PDYN: variants seen among roughly 807,000 people sequenced by gnomAD.
PDYN encodes proenkephalin-B.
A neutral mutation model predicts 11.4 loss-of-function variants in PDYN; 5 were observed. That is an observed-to-expected ratio of 0.44 (90% CI 0.23 to 0.92). PDYN has a LOEUF of 0.92. Among genes scored for constraint, PDYN ranks in the 40% least tolerant of loss-of-function variants. PDYN has a pLI of 0.24. For synonymous variants in PDYN, 132 were observed against 129.5 expected (o/e 1.02, Z -0.13); for missense variants, 337 against 317.3 (o/e 1.06, Z -0.47).
intron 2 of PDYN, among the ~76,000 whole-genome samples, chr20:1,983,689 C>T (rs1314715676): frequency 6.6e-6 from 1 of 152,202 alleles, no homozygotes; most frequent in Middle Eastern, 3.2e-3. Flanking sequence ...GGCCTCCCTG[C>T]CTGCCTCCAG....
chr20:1,988,732 G>A (rs187983225), intron 2 of PDYN, among the ~76,000 whole-genome samples: 132 of 152,276 alleles, frequency 8.7e-4, no homozygotes, highest in Middle Eastern at 3.4e-3. Context: ...CTGCTACCTC[G>A]GGTGCTTTGT....
intron 2 of PDYN, among the ~76,000 whole-genome samples, chr20:1,992,057 T>C (rs2122400356): frequency 1.3e-5 from 2 of 152,302 alleles, no homozygotes; most frequent in South Asian, 4.1e-4. Flanking sequence ...TGAGCAGTCA[T>C]GCCAGTATTT....
chr20:1,981,892 C>T (rs1447375814), intron 3 of PDYN, among the ~76,000 whole-genome samples: 4 of 151,420 alleles, frequency 2.6e-5, no homozygotes, highest in African/African-American at 9.7e-5. Context: ...TGCCACTGCA[C>T]TCCAGCCTGG....
At chr20:1,985,136 T>C (rs562554551) in intron 2 of PDYN, among the ~76,000 whole-genome samples, 1 of 152,216 alleles carries the variant, frequency 6.6e-6, no homozygotes, top group African/African-American at 2.4e-5. Context: ...TCCCCATCCC[T>C]GCAAACTGCC....
chr20:1,993,630 CAAG>C (rs1366503147), intron 1 of PDYN: 6 of 152,256 alleles, frequency 3.9e-5, no homozygotes, highest in African/African-American at 1.2e-4. Context: ...TGGGAGACTG[CAAG>C]AAGGAGACCC....
intron 1 of PDYN, among the ~76,000 whole-genome samples, chr20:1,993,385 A>G (rs1988537701): frequency 6.6e-6 from 1 of 152,226 alleles, no homozygotes; most frequent in South Asian, 2.1e-4. Flanking sequence ...CCCTGTCAGC[A>G]ATTAAACACA....
At chr20:1,991,914 C>T (rs1207729027) in intron 2 of PDYN, among the ~76,000 whole-genome samples, 4 of 152,040 alleles carry the variant, frequency 2.6e-5, no homozygotes, top group Non-Finnish European at 5.9e-5. Context: ...GCACCAGCCC[C>T]TCAAATGAAA....
At chr20:1,991,380 A>G (rs1226828114) in intron 2 of PDYN, among the ~76,000 whole-genome samples, 1 of 152,024 alleles carries the variant, frequency 6.6e-6, no homozygotes, top group African/African-American at 2.4e-5. Context: ...GACTCGGAGG[A>G]GCCCCCTGAG....
In PDYN at chr20:1,978,869, A is replaced by G. The variant is rs1030146169; in HGVS notation, c.*1454T>C. Reference sequence around the variant, plus strand: ...CATAAATGGGATTTTTTTAAAGGACACAAAATAACTCTAAAACAATCTATC... The same window carrying G: ...CATAAATGGGATTTTTTTAAAGGACGCAAAATAACTCTAAAACAATCTATC... On this transcript the variant is annotated 3_prime_UTR_variant, in exon 4 of 4. Coordinates refer to ENST00000217305, the MANE Select transcript of PDYN (RefSeq NM_024411.5). The G allele has an allele frequency of 7.2e-5, 11 of 152,212 alleles. No homozygotes were observed. The highest frequency in any genetic ancestry group is 1.5e-4 in the Non-Finnish European group (10 of 68,040). 9.4% of individuals were successfully genotyped at this position (152,212 alleles called of 1,614,324 possible). A position where few individuals can be genotyped will look rare whatever the true frequency, so the allele number is the denominator to read the frequency against.
At chr20:1,983,226 C>T (rs1272689153) in intron 2 of PDYN, 123 bp from the exon 3 acceptor site, 12 of 886,906 alleles carry the variant, frequency 1.4e-5, no homozygotes, top group Non-Finnish European at 1.7e-5. Context: ...GATTCCCATT[C>T]TACAGTCAAG....
chr20:1,988,779 G>A (rs1472507680), intron 2 of PDYN, among the ~76,000 whole-genome samples: 1 of 152,200 alleles, frequency 6.6e-6, no homozygotes. Context: ...TGATGGGGCA[G>A]TGGGGTGATT....
chr20:1,990,479 G>A (rs777060185), intron 2 of PDYN, among the ~76,000 whole-genome samples: 1 of 152,172 alleles, frequency 6.6e-6, no homozygotes, highest in African/African-American at 2.4e-5. Context: ...GCATCGTAAC[G>A]AAAGACGAAT....
At chr20:1,994,116 C>T (rs1184656767), upstream of PDYN, 1 of 153,266 alleles carries the variant, frequency 6.5e-6, no homozygotes, top group African/African-American at 2.4e-5. Context: ...GTCGCTCAGC[C>T]CTTGCTGAGC....
chr20:1,984,814 A>G (rs555293091), intron 2 of PDYN, among the ~76,000 whole-genome samples: 3 of 152,158 alleles, frequency 2.0e-5, no homozygotes, highest in East Asian at 3.9e-4. Flanking sequence ...CAGGAGAATC[A>G]TTTGAACCCA....
intron 2 of PDYN, among the ~76,000 whole-genome samples, chr20:1,991,328 G>A (rs550050487): frequency 7.2e-5 from 11 of 152,322 alleles, no homozygotes; most frequent in African/African-American, 1.9e-4. Context: ...ATATGTCTGC[G>A]GCTTGTGGCC....
In PDYN at chr20:1,980,827, A is replaced by G; in HGVS notation, c.261T>C (p.Val87=). The change falls in exon 4 of 4, where the codon GTT becomes GTC. Residue 87 remains valine (V), a synonymous_variant. Transcript: ENST00000217305. ...NDKEDLGSKS[V]GEGPYSELAK... ...CCAGCTCACTGTAGGGCCCTTCCCC[A>G]ACCGACTTGCTCCCCAAGTCCTCCT... 6.2e-7 allele frequency: 1 copy of G among 1,614,190 alleles called. No individual in the cohort carries two copies. Among genetic ancestry groups the G allele is most frequent in the East Asian group, 2.2e-5 (1 of 44,876 alleles).
At position 1,980,680 on chromosome 20, in the gene PDYN, C is replaced by T; in HGVS notation, c.408G>A (p.Gly136=). ...GCTCAGACTCTGCTCCCTCCCTAAA[C>T]CCGTCAGAGAGACCCCTGAGCTTCT... ...LEEKLRGLSD[G]FREGAESELM... Residue 136 remains glycine, a synonymous_variant, in exon 4 of 4, where the codon GGG becomes GGA. Transcript: ENST00000217305. The T allele has an allele frequency of 2.5e-6, 4 of 1,614,230 alleles. No homozygotes were observed. The highest frequency in any genetic ancestry group is 3.4e-6 in the Non-Finnish European group (4 of 1,180,050).
chr20:1,986,809 A>G (rs1345147736), intron 2 of PDYN, among the ~76,000 whole-genome samples: 3 of 151,996 alleles, frequency 2.0e-5, no homozygotes, highest in Non-Finnish European at 4.4e-5. Context: ...TGCTCCACAC[A>G]CCCCACCCTC....
intron 2 of PDYN, among the ~76,000 whole-genome samples, chr20:1,987,511 T>G (rs1442219151): frequency 1.3e-5 from 2 of 152,212 alleles, no homozygotes; most frequent in African/African-American, 4.8e-5. Flanking sequence ...CGGAACCACC[T>G]GGGGCTTCCC....
Sources: gnomAD v4.1 joint callset for allele counts (sites outside exome capture counted in the v4.1 genomes callset) on GRCh38, gnomAD v4.1.1 for gene constraint, MANE v1.5 for transcripts, NCBI Gene and HGNC (gene_info 2026-07-23, HGNC 2026-07-21) for gene names.